MALRD1: variants seen among roughly 807,000 people sequenced by gnomAD.
The protein encoded by MALRD1 is MAM and LDL receptor class A domain containing 1.
MALRD1 carries 247 observed loss-of-function variants against 242.1 expected under a neutral mutation model. The ratio of observed to expected loss-of-function variants is 1.02; its 90% CI spans 0.92 to 1.13. The LOEUF (loss-of-function observed/expected upper bound fraction) is 1.13. Ranked by LOEUF, MALRD1 falls within the 50% of genes most tolerant of loss-of-function variation. The pLI is 0.00. For missense variants in MALRD1, 2,989 were observed against 2,533.1 expected (o/e 1.18, Z -3.86); for synonymous variants, 995 against 866.6 (o/e 1.15, Z -2.60).
intron 14 of MALRD1, among the ~76,000 whole-genome samples, chr10:19,200,981 T>C (rs1420736489): frequency 6.6e-6 from 1 of 152,126 alleles, no homozygotes; most frequent in African/African-American, 2.4e-5. Flanking sequence ...CAAAGCTTGC[T>C]ATACACTAAA....
Position 19,620,996 on chromosome 10 carries a change from CA to C in MALRD1, c.6137+5086del, listed in dbSNP as rs71388854. On this transcript the variant is annotated intron_variant, in intron 36 of 39. Coordinates refer to ENST00000454679, the MANE Select transcript of MALRD1 (RefSeq NM_001142308.3). ...CCAGTTTATAGGATAGAGCAACTACCAAAAAAAAAAAAAGTCATCTATTAAA... is the reference window on the plus strand; with the variant it reads ...CCAGTTTATAGGATAGAGCAACTACCAAAAAAAAAAAAGTCATCTATTAAA... 5.3e-3 allele frequency among the ~76,000 whole-genome samples: 722 copies of C among 134,996 alleles called. 4 individuals carry two copies. Among genetic ancestry groups the C allele is most frequent in the East Asian group, 8.6e-3 (40 of 4,664 alleles). 88.6% of individuals were successfully genotyped at this position (134,996 alleles called of 152,430 possible). A position where few individuals can be genotyped will look rare whatever the true frequency, so the allele number is the denominator to read the frequency against.
intron 26 of MALRD1, among the ~76,000 whole-genome samples, chr10:19,374,061 C>A (rs1000538915): frequency 6.6e-6 from 1 of 152,186 alleles, no homozygotes; most frequent in African/African-American, 2.4e-5. Context: ...TTAAGTTTGG[C>A]ATCTTTATTG....
chr10:19,407,388 G>A (rs1163848709), intron 28 of MALRD1, among the ~76,000 whole-genome samples: 2 of 152,154 alleles, frequency 1.3e-5, no homozygotes, highest in Non-Finnish European at 2.9e-5. Context: ...ACGCTGAGGT[G>A]GGAGGCTCAC....
intron 14 of MALRD1, among the ~76,000 whole-genome samples, chr10:19,200,054 G>A (rs756544560): frequency 3.3e-5 from 5 of 152,148 alleles, no homozygotes; most frequent in Non-Finnish European, 7.4e-5. Context: ...CCTGAGCCTG[G>A]GAGGTTGAGG....
intron 28 of MALRD1, among the ~76,000 whole-genome samples, chr10:19,417,274 C>A (rs1284880023): frequency 6.6e-6 from 1 of 152,058 alleles, no homozygotes; most frequent in Non-Finnish European, 1.5e-5. Context: ...TATCAAACTG[C>A]CTAATCAATT....
At chr10:19,539,285 T>C (rs1485204073) in intron 32 of MALRD1, among the ~76,000 whole-genome samples, 4 of 152,144 alleles carry the variant, frequency 2.6e-5, no homozygotes, top group Admixed American at 2.6e-4. Flanking sequence ...TTGTCCAAGG[T>C]CATAGAGCTG....
chr10:19,403,945 A>C (rs926591515), intron 28 of MALRD1, among the ~76,000 whole-genome samples: 2 of 152,164 alleles, frequency 1.3e-5, no homozygotes, highest in African/African-American at 2.4e-5. Flanking sequence ...AAAACATAAG[A>C]AAACATGTAT....
At chr10:19,079,090 TCTTTC>T (rs1294579156) in intron 2 of MALRD1, among the ~76,000 whole-genome samples, 1 of 151,618 alleles carries the variant, frequency 6.6e-6, no homozygotes, top group Non-Finnish European at 1.5e-5. Context: ...AATGTTGAGA[TCTTTC>T]CTTGTTTAAA....
chr10:19,621,404 C>G (rs1200777831), intron 36 of MALRD1, among the ~76,000 whole-genome samples: 5 of 144,844 alleles, frequency 3.5e-5, no homozygotes, highest in Admixed American at 1.4e-4. Context: ...AATGAATTGG[C>G]TGGATTAACT....
chr10:19,320,234 C>T (rs933469006), intron 21 of MALRD1, among the ~76,000 whole-genome samples: 8 of 151,776 alleles, frequency 5.3e-5, no homozygotes, highest in South Asian at 2.1e-4. Context: ...CCCTACCCCG[C>T]GACAGGCCCC....
intron 2 of MALRD1, among the ~76,000 whole-genome samples, chr10:19,083,679 T>TAGC (rs1448403510): frequency 6.6e-6 from 1 of 152,018 alleles, no homozygotes; most frequent in Non-Finnish European, 1.5e-5. Context: ...GAAAAAGGTC[T>TAGC]AGCACCATTT....
intron 21 of MALRD1, among the ~76,000 whole-genome samples, chr10:19,320,719 A>G (rs1462537798): frequency 3.3e-5 from 5 of 152,110 alleles, no homozygotes; most frequent in Non-Finnish European, 7.4e-5. Context: ...CTATTTCTCC[A>G]CATCCTCTCC....
intron 26 of MALRD1, among the ~76,000 whole-genome samples, chr10:19,355,921 T>C (rs528048173): frequency 7.6e-5 from 11 of 145,494 alleles, no homozygotes; most frequent in South Asian, 4.3e-4. Flanking sequence ...GCTGAGGTTA[T>C]ATATCATATA....
chr10:19,436,271 T>C (rs1834347943), intron 28 of MALRD1, among the ~76,000 whole-genome samples: 1 of 152,174 alleles, frequency 6.6e-6, no homozygotes, highest in Non-Finnish European at 1.5e-5. Flanking sequence ...CCTGAGTCTA[T>C]GTAGAGATCC....
intron 10 of MALRD1, among the ~76,000 whole-genome samples, chr10:19,138,867 C>T (rs1352860755): frequency 6.6e-6 from 1 of 152,124 alleles, no homozygotes; most frequent in Middle Eastern, 3.2e-3. Context: ...ATGTATATGA[C>T]ATTTTTCCAA....
At chr10:19,398,042 C>T (rs1341133221) in intron 28 of MALRD1, among the ~76,000 whole-genome samples, 1 of 151,582 alleles carries the variant, frequency 6.6e-6, no homozygotes, top group Non-Finnish European at 1.5e-5. Context: ...TTTTGAGTTC[C>T]TTATATATTC....
At chr10:19,256,368 T>G (rs1839512524) in intron 18 of MALRD1, among the ~76,000 whole-genome samples, 1 of 152,066 alleles carries the variant, frequency 6.6e-6, no homozygotes, top group African/African-American at 2.4e-5. Context: ...TGTCTGCTAG[T>G]TTAGGTTTAT....
rs570382470 is a variant in MALRD1, at chr10:19,409,575, A to G, written c.4845+19966A>G. Among the ~76,000 whole-genome samples, 6 of 152,242 alleles carry G rather than the reference A, an allele frequency of 3.9e-5. No individual in the cohort carries two copies. The East Asian group carries it at 7.7e-4, about 20-fold the overall frequency. Reference sequence around the variant, plus strand: ...GAGAGTAACATGAAGAATATTATCAATCCTTGTGGTAATTGAAATGTTTTG... The same window carrying G: ...GAGAGTAACATGAAGAATATTATCAGTCCTTGTGGTAATTGAAATGTTTTG... On this transcript the variant is annotated intron_variant, in intron 28 of 39. Coordinates refer to ENST00000454679, the MANE Select transcript of MALRD1 (RefSeq NM_001142308.3).
chr10:19,327,803 C>T, intron 23 of MALRD1, 130 bp downstream of exon 23: 1 of 688,002 alleles, frequency 1.5e-6, no homozygotes. Flanking sequence ...TGCGTGGACA[C>T]CATGCTTAAC....
Sources: allele counts gnomAD v4.1 joint callset (sites outside exome capture counted in the v4.1 genomes callset), GRCh38; gene constraint gnomAD v4.1.1; transcripts MANE v1.5; gene names NCBI Gene and HGNC (gene_info 2026-07-23, HGNC 2026-07-21).